Variants in NLGN1 observed in about 807,000 individuals in gnomAD.
NLGN1 encodes neuroligin 1, also known as neuroligin-1.
In NLGN1, 12 loss-of-function variants were observed where a neutral mutation model predicts 65.5. That is an observed-to-expected ratio of 0.18 (90% CI 0.12 to 0.30). The LOEUF (loss-of-function observed/expected upper bound fraction) is 0.30. NLGN1 is among the 10% of genes least tolerant of loss of function. The pLI is 1.00. For missense variants in NLGN1, 750 were observed against 1,007.1 expected (o/e 0.74, Z 3.46); for synonymous variants, 350 against 359.5 (o/e 0.97, Z 0.30).
chr3:173,665,783 A>G (rs572133397), intron 3 of NLGN1, among the ~76,000 whole-genome samples: 1 of 152,304 alleles, frequency 6.6e-6, no homozygotes, highest in East Asian at 1.9e-4. Context: ...AAAGAAATAA[A>G]CTGTTGTTGA....
chr3:173,698,056 T>G (rs1472156050), intron 3 of NLGN1, among the ~76,000 whole-genome samples: 1 of 151,998 alleles, frequency 6.6e-6, no homozygotes, highest in Admixed American at 6.6e-5. Context: ...AACAAACTTA[T>G]TTATATATGC....
intron 4 of NLGN1, among the ~76,000 whole-genome samples, chr3:174,085,464 T>A (rs1447332478): frequency 6.6e-6 from 1 of 152,008 alleles, no homozygotes; most frequent in Admixed American, 6.6e-5. Context: ...TACCCATTAG[T>A]CTTATTCACA....
chr3:173,712,325 A>G (rs11922035), intron 3 of NLGN1, among the ~76,000 whole-genome samples: 3,881 of 152,258 alleles, frequency 0.025, 168 homozygotes, highest in African/African-American at 0.087. Context: ...GAAGTAATAG[A>G]AAGGGGATTT....
intron 2 of NLGN1, among the ~76,000 whole-genome samples, chr3:173,491,564 G>T (rs576941561): frequency 6.6e-6 from 1 of 151,618 alleles, no homozygotes; most frequent in African/African-American, 2.4e-5. Context: ...CACTTTTTTT[G>T]TTGTGTATCT....
intron 4 of NLGN1, among the ~76,000 whole-genome samples, chr3:173,842,729 A>T (rs1018124420): frequency 6.6e-6 from 1 of 152,196 alleles, no homozygotes; most frequent in Non-Finnish European, 1.5e-5. Flanking sequence ...GTGACTTTAC[A>T]GGGTACAGCC....
At chr3:173,443,719 A>G (rs1244599817) in intron 2 of NLGN1, among the ~76,000 whole-genome samples, 1 of 152,234 alleles carries the variant, frequency 6.6e-6, no homozygotes, top group Non-Finnish European at 1.5e-5. Flanking sequence ...TATTTTCTAG[A>G]GAACAATTTC....
At chr3:173,755,923 A>G (rs569283682) in intron 3 of NLGN1, among the ~76,000 whole-genome samples, 2 of 152,132 alleles carry the variant, frequency 1.3e-5, no homozygotes, top group Non-Finnish European at 2.9e-5. Flanking sequence ...TAATGATGTT[A>G]TATATTGATT....
intron 4 of NLGN1, among the ~76,000 whole-genome samples, chr3:174,178,577 G>A (rs1729852642): frequency 6.6e-6 from 1 of 152,068 alleles, no homozygotes; most frequent in South Asian, 2.1e-4. Flanking sequence ...AATGCTAAGT[G>A]CAACGACATA....
chr3:173,558,029 T>C (rs1046466925), intron 2 of NLGN1, among the ~76,000 whole-genome samples: 1 of 152,114 alleles, frequency 6.6e-6, no homozygotes. Flanking sequence ...TTAACAAATA[T>C]TCTTTTTTCC....
chr3:173,424,206 G>A (rs1486070742), intron 1 of NLGN1, among the ~76,000 whole-genome samples: 1 of 152,188 alleles, frequency 6.6e-6, no homozygotes, highest in Non-Finnish European at 1.5e-5. Context: ...ACTGGGCCCT[G>A]GGCCCGGCCT....
At chr3:173,505,055 C>T (rs1731771365) in intron 2 of NLGN1, among the ~76,000 whole-genome samples, 1 of 151,818 alleles carries the variant, frequency 6.6e-6, no homozygotes, top group Admixed American at 6.6e-5. Context: ...CCACCCCTTG[C>T]CCCCGCCACA....
At chr3:173,417,894 C>T (rs191720022) in intron 1 of NLGN1, among the ~76,000 whole-genome samples, 2 of 151,718 alleles carry the variant, frequency 1.3e-5, no homozygotes, top group African/African-American at 4.8e-5. Context: ...AAGTTTTACT[C>T]ATAAAATTTT....
chr3:173,486,147 C>T (rs1238377597), intron 2 of NLGN1, among the ~76,000 whole-genome samples: 1 of 152,038 alleles, frequency 6.6e-6, no homozygotes, highest in Non-Finnish European at 1.5e-5. Flanking sequence ...CGGGTTCAAG[C>T]GACTCTCCTG....
At chr3:174,068,502 A>G (rs1331536139) in intron 4 of NLGN1, among the ~76,000 whole-genome samples, 2 of 152,058 alleles carry the variant, frequency 1.3e-5, no homozygotes, top group African/African-American at 2.4e-5. Flanking sequence ...CTAAAATGCC[A>G]ATTTCCAGTA....
Position 174,279,482 on chromosome 3 carries a change from C to T in NLGN1, c.1481C>T (p.Thr494Ile). Residue 494 changes from threonine to isoleucine, a missense_variant, in exon 6 of 7, where the codon ACA (threonine) becomes ATA (isoleucine). Transcript: ENST00000457714. The surrounding 1 kb of genome is among the most constrained non-coding windows in gnomAD (Gnocchi z 4.7). ...TATGCCTTTTACCATCATTGCCAAA[C>T]AGATCAGGTTCCAGCTTGGGCTGAT... 6.2e-7 allele frequency: 1 copy of T among 1,613,194 alleles called. No homozygotes were observed. The highest frequency in any genetic ancestry group is 1.7e-5 in the Admixed American group (1 of 59,846).
chr3:174,094,687 T>C (rs112705567), intron 4 of NLGN1, among the ~76,000 whole-genome samples: 99 of 150,752 alleles, frequency 6.6e-4, no homozygotes, highest in African/African-American at 2.4e-3. Context: ...TTGATAAATA[T>C]TCTTCTGTGT....
intron 4 of NLGN1, among the ~76,000 whole-genome samples, chr3:173,907,371 A>G (rs1047901417): frequency 6.6e-6 from 1 of 152,118 alleles, no homozygotes; most frequent in Non-Finnish European, 1.5e-5. Flanking sequence ...AGTGGAGAAT[A>G]CTTCATTTGT....
chr3:173,471,301 G>A (rs767552289), intron 2 of NLGN1, among the ~76,000 whole-genome samples: 1 of 152,078 alleles, frequency 6.6e-6, no homozygotes, highest in East Asian at 1.9e-4. Flanking sequence ...GAGTCTAGAA[G>A]TTTGAGATCA....
rs146309368 is a variant in NLGN1, at chr3:174,253,291, C to A, written c.647-22024C>A. 9.5e-4 allele frequency among the ~76,000 whole-genome samples: 145 copies of A among 152,188 alleles called. 3 individuals are homozygous for A. The East Asian group carries it at 0.025, about 27-fold the overall frequency. The stretch of plus-strand genomic sequence containing the variant: ...AGGACTCACTCTTTACAGTAAAGTG[C>A]TGGAAAATCAAGCCATCACTTCAAC... On this transcript the variant is annotated intron_variant, in intron 4 of 6. Transcript: ENST00000457714.
Sources: gnomAD v4.1 joint callset for allele counts (sites outside exome capture counted in the v4.1 genomes callset) on GRCh38, gnomAD v4.1.1 for gene constraint, Gnocchi (gnomAD v3.1) non-coding constraint, MANE v1.5 for transcripts, NCBI Gene and HGNC (gene_info 2026-07-23, HGNC 2026-07-21) for gene names.